The following RUBCN variants were observed in gnomAD, a reference collection of about 807,000 sequenced individuals.
The protein encoded by RUBCN is rubicon autophagy regulator.
Under a neutral mutation model 113.2 loss-of-function variants are expected in RUBCN, and 74 were observed. The observed-to-expected ratio is 0.65, with a 90% CI of 0.54 to 0.79. The LOEUF is 0.79. Ranked by LOEUF, RUBCN falls within the 30% of genes least tolerant of loss-of-function variation. The pLI is 0.00. For synonymous variants in RUBCN, 480 were observed against 490.0 expected (o/e 0.98, Z 0.27); for missense variants, 1,109 against 1,251.7 (o/e 0.89, Z 1.72).
intron 2 of RUBCN, among the ~76,000 whole-genome samples, chr3:197,706,163 A>G (rs1212638609): frequency 6.6e-6 from 1 of 152,194 alleles, no homozygotes; most frequent in Non-Finnish European, 1.5e-5. Flanking sequence ...TCAAATAAGG[A>G]AACATCTACT....
intron 1 of RUBCN, among the ~76,000 whole-genome samples, chr3:197,728,947 T>C (rs1454269914): frequency 1.3e-5 from 2 of 152,032 alleles, no homozygotes; most frequent in Non-Finnish European, 1.5e-5. Flanking sequence ...GGTTTTGTAA[T>C]TGGAAACTTC....
Position 197,683,103 on chromosome 3 carries a change from C to T in RUBCN, c.1980+204G>A, listed in dbSNP as rs1042803185. ...GGCGAGCAGTCACGTGAATAAGGACCGCGAACGCGCCGTCATCTCTGCTCT... is the reference window on the plus strand; with the variant it reads ...GGCGAGCAGTCACGTGAATAAGGACTGCGAACGCGCCGTCATCTCTGCTCT... On this transcript the variant is annotated intron_variant, in intron 13 of 19. Coordinates refer to ENST00000296343, the MANE Select transcript of RUBCN (RefSeq NM_014687.4). This position sits in a 1 kb window ranked among gnomAD's most constrained non-coding sequence, Gnocchi z 4.6. Among the ~76,000 whole-genome samples the T allele has an allele frequency of 1.3e-5, 2 of 152,206 alleles. No homozygotes were observed. The highest frequency in any genetic ancestry group is 2.9e-5 in the Non-Finnish European group (2 of 68,042).
In RUBCN at chr3:197,696,967, C is replaced by T. The variant is rs369267822; in HGVS notation, c.1344G>A (p.Leu448=). The change falls in exon 8 of 20, where the codon CTG becomes CTA. Residue 448 remains leucine (L), a synonymous_variant. Coordinates refer to ENST00000296343, the MANE Select transcript of RUBCN (RefSeq NM_014687.4). ...CCTAGTACTCACCATATTCCATGTA[C>T]AGAGAGCTGGGTGTGCTGACTTCAC... The part of the protein sequence containing the change: ...QSSEVSTPSS[L]YMEYEGGRYL... 4.6e-5 allele frequency: 74 copies of T among 1,593,802 alleles called. No homozygotes were observed. Among genetic ancestry groups the T allele is most frequent in the Non-Finnish European group, 6.2e-5 (72 of 1,161,546 alleles).
At chr3:197,733,949 G>A (rs1727811030) in intron 1 of RUBCN, among the ~76,000 whole-genome samples, 1 of 152,216 alleles carries the variant, frequency 6.6e-6, no homozygotes, top group Non-Finnish European at 1.5e-5. Flanking sequence ...GGCAGCATAG[G>A]GTGAGTATTA....
intron 1 of RUBCN, among the ~76,000 whole-genome samples, chr3:197,734,433 T>G (rs1016848536): frequency 4.8e-4 from 72 of 149,282 alleles, no homozygotes; most frequent in Non-Finnish European, 1.0e-4. Context: ...AAGCGCAGAC[T>G]CTGGTGCCGA....
intron 2 of RUBCN, among the ~76,000 whole-genome samples, chr3:197,716,152 C>G (rs9857551): frequency 0.11 from 17,313 of 152,154 alleles, 1,218 homozygotes; most frequent in African/African-American, 0.19. Context: ...TTGTGAGATA[C>G]AGTCTCACCC....
rs919608641 is a variant in RUBCN at position 197,736,873 on chromosome 3, G to A, written c.-154C>T. On this transcript the variant is annotated 5_prime_UTR_variant, in exon 1 of 20. Coordinates refer to ENST00000296343, the MANE Select transcript of RUBCN (RefSeq NM_014687.4). The stretch of plus-strand genomic sequence containing the variant: ...CCGGGCGGCGACAGCGGGAGGGACC[G>A]CCGCCTGGGCTGCGGCTTCTATCCC... 3 of 1,373,930 alleles carry A rather than the reference G, an allele frequency of 2.2e-6. No homozygotes were observed. The highest frequency in any genetic ancestry group is 2.7e-4 in the Middle Eastern group (1 of 3,700). 85.1% of individuals were successfully genotyped at this position (1,373,930 alleles called of 1,614,324 possible).
chr3:197,731,221 A>G (rs927932339), intron 1 of RUBCN, among the ~76,000 whole-genome samples: 26 of 152,236 alleles, frequency 1.7e-4, no homozygotes, highest in African/African-American at 6.0e-4. Context: ...GCCTTCAAGC[A>G]TCTGTTTAAC....
chr3:197,700,042 C>T (rs1444238236), intron 7 of RUBCN, among the ~76,000 whole-genome samples: 1 of 152,178 alleles, frequency 6.6e-6, no homozygotes, highest in African/African-American at 2.4e-5. Context: ...CTGCTATCAG[C>T]TGGTGTTTGG....
chr3:197,731,780 CGGCTGGCCGGGCGGGGGGCTG>C (rs1727521460), intron 1 of RUBCN, among the ~76,000 whole-genome samples: 1 of 150,402 alleles, frequency 6.6e-6, no homozygotes, highest in Admixed American at 6.6e-5. Flanking sequence ...CCGGATGGGG[CGGCTGGCCGGGCGGGGGGCTG>C]ACCCCCCCAC....
chr3:197,689,015 A>G (rs1391268337), intron 11 of RUBCN, among the ~76,000 whole-genome samples: 4 of 151,806 alleles, frequency 2.6e-5, no homozygotes, highest in Non-Finnish European at 4.4e-5. Context: ...GTACACTTGA[A>G]GTGGGTGAAT....
intron 2 of RUBCN, among the ~76,000 whole-genome samples, chr3:197,711,194 C>T (rs1724927267): frequency 6.6e-6 from 1 of 152,212 alleles, no homozygotes; most frequent in Non-Finnish European, 1.5e-5. Context: ...ATATCAAATG[C>T]ACATGCCCTT....
At chr3:197,731,321 CG>C (rs1160505133) in intron 1 of RUBCN, among the ~76,000 whole-genome samples, 10 of 152,150 alleles carry the variant, frequency 6.6e-5, no homozygotes, top group African/African-American at 2.4e-4. Context: ...GTAACGTCAC[CG>C]ATCAACAGGA....
chr3:197,674,988 G>C lies in RUBCN; in HGVS notation c.*30C>G. The C allele has an allele frequency of 6.2e-7, 1 of 1,605,668 alleles. No homozygotes were observed. Among genetic ancestry groups the C allele is most frequent in the Non-Finnish European group, 8.5e-7 (1 of 1,179,242 alleles). On this transcript the variant is annotated 3_prime_UTR_variant, in exon 20 of 20. Transcript: ENST00000296343. The stretch of plus-strand genomic sequence containing the variant: ...CTCAGTTCTGCAACAGGTGTGACCC[G>C]GCCCGGAGGGAGGGCTGCACGTGCT...
intron 2 of RUBCN, among the ~76,000 whole-genome samples, chr3:197,710,716 A>G (rs1036833807): frequency 5.3e-5 from 8 of 152,266 alleles, no homozygotes; most frequent in African/African-American, 1.9e-4. Context: ...TCAGTAGGAA[A>G]AGACTAAATC....
chr3:197,712,923 A>ATG (rs1351966363), intron 2 of RUBCN, among the ~76,000 whole-genome samples: 14 of 151,226 alleles, frequency 9.3e-5, no homozygotes, highest in African/African-American at 3.4e-4. Context: ...GCAATGGTGC[A>ATG]ATCTCAGCTC....
At chr3:197,684,275 T>C (rs1322634618) in intron 11 of RUBCN, 58 bp from the exon 12 acceptor site, 1 of 1,314,136 alleles carries the variant, frequency 7.6e-7, no homozygotes, top group African/African-American at 1.5e-5. Flanking sequence ...TAAGGGAACC[T>C]GGAATCTATT....
chr3:197,732,349 T>C (rs1158793685), intron 1 of RUBCN, among the ~76,000 whole-genome samples: 1 of 152,264 alleles, frequency 6.6e-6, no homozygotes, highest in Non-Finnish European at 1.5e-5. Flanking sequence ...AGTCTCACTC[T>C]GTCTCCCAGG....
rs755253377 is a variant in RUBCN, at chr3:197,683,612, C to A, written c.1848-173G>T. The stretch of plus-strand genomic sequence containing the variant: ...GGACAGTCAAAGTCCACTAGTCTCA[C>A]GGTCCTAAGACTTCGGTTCAAGCCC... On this transcript the variant is annotated intron_variant, in intron 12 of 19. Coordinates refer to ENST00000296343, the MANE Select transcript of RUBCN (RefSeq NM_014687.4). This position sits in a 1 kb window ranked among gnomAD's most constrained non-coding sequence, Gnocchi z 4.6. Among the ~76,000 whole-genome samples the A allele has an allele frequency of 1.3e-5, 2 of 152,186 alleles. No individual in the cohort carries two copies. The highest frequency in any genetic ancestry group is 2.9e-5 in the Non-Finnish European group (2 of 68,034).
Sources: allele counts gnomAD v4.1 joint callset (sites outside exome capture counted in the v4.1 genomes callset), GRCh38; gene constraint gnomAD v4.1.1; non-coding constraint Gnocchi (gnomAD v3.1); transcripts MANE v1.5; gene names NCBI Gene and HGNC (gene_info 2026-07-23, HGNC 2026-07-21).